Variants in ARL5B observed in about 807,000 individuals in gnomAD.
ARL5B encodes the protein ADP-ribosylation factor-like protein 5B.
In ARL5B, 10 loss-of-function variants were observed where a neutral mutation model predicts 26.9. The ratio of observed to expected loss-of-function variants is 0.37; its 90% CI spans 0.23 to 0.63. The LOEUF is 0.63. Among genes scored for constraint, ARL5B ranks in the 30% least tolerant of loss-of-function variants. The probability of loss-of-function intolerance (pLI) is 0.62; values close to 1 mark genes in which losing one functional copy is unlikely to be tolerated. For missense variants in ARL5B, 167 were observed against 213.9 expected (o/e 0.78, Z 1.37); for synonymous variants, 87 against 70.4 (o/e 1.24, Z -1.18).
chr10:18,669,017 C>T (rs2059874939), intron 3 of ARL5B, among the ~76,000 whole-genome samples: 1 of 152,154 alleles, frequency 6.6e-6, no homozygotes. Context: ...GATCCACCCT[C>T]CTTGGCCTCC....
In ARL5B at chr10:18,675,391, T is replaced by A. The variant is rs893391424; in HGVS notation, c.*175T>A. The A allele has an allele frequency of 3.4e-6, 2 of 587,438 alleles. No individual in the cohort carries two copies. The highest frequency in any genetic ancestry group is 1.9e-5 in the African/African-American group (1 of 53,668). The allele number at this position is 587,438 out of a possible 1,614,324, so 36.4% of individuals were successfully genotyped here. On this transcript the variant is annotated 3_prime_UTR_variant, in exon 6 of 6. Transcript: ENST00000377275. ...CATAAAAGATTTTTTCTTAACTTTTTTTTTTTAACACACTAATCTTCAGTT... is the reference window on the plus strand; with the variant it reads ...CATAAAAGATTTTTTCTTAACTTTTATTTTTTAACACACTAATCTTCAGTT...
At chr10:18,671,505 T>C (rs1190391630) in intron 3 of ARL5B, among the ~76,000 whole-genome samples, 1 of 152,092 alleles carries the variant, frequency 6.6e-6, no homozygotes, top group Non-Finnish European at 1.5e-5. Context: ...TGTAATCTAA[T>C]TCTACCCTTC....
In ARL5B at chr10:18,679,925, A is replaced by G. The variant is rs1353940736; in HGVS notation, c.*4709A>G. 2.0e-5 allele frequency: 3 copies of G among 152,058 alleles called. No homozygotes were observed. In the East Asian group the frequency reaches 5.8e-4, roughly 29 times the overall value. 9.4% of individuals were successfully genotyped at this position (152,058 alleles called of 1,614,324 possible). A position where few individuals can be genotyped will look rare whatever the true frequency, so the allele number is the denominator to read the frequency against. ...TTTACCATACAGCTAGATGGCCTGT[A>G]TTATTCTTAATGTGGCCAAAGGAGT... On this transcript the variant is annotated 3_prime_UTR_variant, in exon 6 of 6. Transcript: ENST00000377275.
intron 2 of ARL5B, among the ~76,000 whole-genome samples, chr10:18,667,416 A>G (rs1024600229): frequency 6.6e-6 from 1 of 152,210 alleles, no homozygotes; most frequent in Non-Finnish European, 1.5e-5. Flanking sequence ...TTGAACAACT[A>G]CTTGTTTCTC....
chr10:18,670,913 A>G (rs2131644138), intron 3 of ARL5B, among the ~76,000 whole-genome samples: 1 of 152,310 alleles, frequency 6.6e-6, no homozygotes, highest in East Asian at 1.9e-4. Flanking sequence ...AGAATATCAA[A>G]ATTACTACAA....
rs751766911 is a variant in ARL5B, at chr10:18,676,668, A to G, written c.*1452A>G. On this transcript the variant is annotated 3_prime_UTR_variant, in exon 6 of 6. Transcript: ENST00000377275. ...TTTTAATTTTGATAAAAAAGATACA[A>G]AGTTCATAATATCAAAATATGTGTT... The G allele has an allele frequency of 1.2e-4, 19 of 152,084 alleles. No homozygotes were observed. Among genetic ancestry groups the G allele is most frequent in the Non-Finnish European group, 2.5e-4 (17 of 67,914 alleles). The allele number at this position is 152,084 out of a possible 1,614,324, so 9.4% of individuals were successfully genotyped here.
chr10:18,666,598 C>T lies in ARL5B; in HGVS notation c.70C>T (p.Leu24=). The change falls in exon 2 of 6, where the codon CTG becomes TTG. Residue 24 remains leucine, a synonymous_variant. Transcript: ENST00000377275. The part of the protein sequence containing the change: ...NQEHKVIIVG[L]DNAGKTTILY... ...AGAACACAAAGTAATTATAGTGGGA[C>T]TGGATAATGCAGGGAAAACCACCAT... 1.9e-6 allele frequency: 3 copies of T among 1,609,490 alleles called. No homozygotes were observed. Among genetic ancestry groups the T allele is most frequent in the Non-Finnish European group, 2.5e-6 (3 of 1,178,026 alleles).
chr10:18,666,721 A>G, intron 2 of ARL5B, 86 bp downstream of exon 2: 1 of 1,157,280 alleles, frequency 8.6e-7, no homozygotes. Context: ...TATAATAATG[A>G]CGGAAAAACT....
Position 18,666,614 on chromosome 10 carries a change from A to G in ARL5B, c.86A>G (p.Lys29Arg). Residue 29 changes from lysine to arginine, a missense_variant, in exon 2 of 6, where the codon AAA becomes AGA. By Grantham distance (26) the Lys-to-Arg change is conservative. Coordinates refer to ENST00000377275, the MANE Select transcript of ARL5B (RefSeq NM_178815.5). Reference sequence around the variant, plus strand: ...ATAGTGGGACTGGATAATGCAGGGAAAACCACCATTCTTTACCAATTGTAA... The same window carrying G: ...ATAGTGGGACTGGATAATGCAGGGAGAACCACCATTCTTTACCAATTGTAA... ...VIIVGLDNAG[K>R]TTILYQFLMN... is the part of the protein sequence containing the mutation. 3 of 1,609,588 alleles carry G rather than the reference A, an allele frequency of 1.9e-6. No homozygotes were observed. Among genetic ancestry groups the G allele is most frequent in the Non-Finnish European group, 2.5e-6 (3 of 1,178,022 alleles).
intron 3 of ARL5B, among the ~76,000 whole-genome samples, chr10:18,671,812 T>C (rs895851124): frequency 6.6e-6 from 1 of 152,034 alleles, no homozygotes. Flanking sequence ...ACTATGTGCA[T>C]GGCTAATTTT....
intron 2 of ARL5B, 119 bp from the exon 3 acceptor site, chr10:18,668,411 C>A: frequency 2.0e-6 from 2 of 1,019,988 alleles, no homozygotes; most frequent in Non-Finnish European, 2.8e-6. Context: ...TTATAATTTT[C>A]ATGCTAATGA....
At chr10:18,669,739 TC>T (rs1409991320) in intron 3 of ARL5B, among the ~76,000 whole-genome samples, 1 of 152,094 alleles carries the variant, frequency 6.6e-6, no homozygotes, top group Non-Finnish European at 1.5e-5. Context: ...ACGCCTGTAA[TC>T]CCAGCACTTT....
At chr10:18,664,429 CTT>C (rs140830487) in intron 1 of ARL5B, among the ~76,000 whole-genome samples, 20 of 67,248 alleles carry the variant, frequency 3.0e-4, no homozygotes, top group African/African-American at 1.1e-3. Flanking sequence ...ACAGTAGTGT[CTT>C]TTTTTTTTTT....
chr10:18,674,277 G>C, intron 5 of ARL5B, 142 bp downstream of exon 5: 1 of 663,006 alleles, frequency 1.5e-6, no homozygotes, highest in South Asian at 4.1e-5. Flanking sequence ...TGTGTCTCAG[G>C]CTTACAACCT....
chr10:18,674,884 T>C (rs2059903738), intron 5 of ARL5B, among the ~76,000 whole-genome samples: 1 of 152,192 alleles, frequency 6.6e-6, no homozygotes, highest in Non-Finnish European at 1.5e-5. Flanking sequence ...TAAGTTTCAG[T>C]TAATTTTAAA....
At chr10:18,670,662 A>G (rs935009960) in intron 3 of ARL5B, among the ~76,000 whole-genome samples, 2 of 152,200 alleles carry the variant, frequency 1.3e-5, no homozygotes, top group Non-Finnish European at 2.9e-5. Flanking sequence ...CATATGATTA[A>G]TTTAAACATC....
chr10:18,668,275 C>T (rs962922207), intron 2 of ARL5B, among the ~76,000 whole-genome samples: 3 of 151,674 alleles, frequency 2.0e-5, no homozygotes, highest in Non-Finnish European at 4.4e-5. Context: ...AAATTCACAC[C>T]ACACTGTTTC....
chr10:18,665,302 C>G (rs2059856574), intron 1 of ARL5B, among the ~76,000 whole-genome samples: 2 of 152,106 alleles, frequency 1.3e-5, no homozygotes, highest in Non-Finnish European at 2.9e-5. Context: ...CCCTGCACTC[C>G]AGCCTGGGCA....
Position 18,660,014 on chromosome 10 carries a change from G to C in ARL5B, c.46+331G>C, listed in dbSNP as rs555358718. ...TTCTCGTCTTTATTGAAGCGTGCTT[G>C]TGTCTATGTGTATCCCCAGGATAAG... On this transcript the variant is annotated intron_variant, in intron 1 of 5. Transcript: ENST00000377275. 10 of 898,176 alleles carry C rather than the reference G, an allele frequency of 1.1e-5. No homozygotes were observed. The South Asian group carries it at 4.6e-4, about 41-fold the overall frequency. 55.6% of individuals were successfully genotyped at this position (898,176 alleles called of 1,614,324 possible).
Sources: allele counts gnomAD v4.1 joint callset (sites outside exome capture counted in the v4.1 genomes callset), GRCh38; gene constraint gnomAD v4.1.1; transcripts MANE v1.5; gene names NCBI Gene and HGNC (gene_info 2026-07-23, HGNC 2026-07-21).